MAP3K15: variants seen among roughly 807,000 people sequenced by gnomAD.
MAP3K15 encodes mitogen-activated protein kinase kinase kinase 15, also known as MAPK/ERK kinase kinase 15.
In MAP3K15, 124 loss-of-function variants were observed where a neutral mutation model predicts 99.5. The ratio of observed to expected loss-of-function variants is 1.25; its 90% confidence interval spans 1.08 to 1.45. The LOEUF (loss-of-function observed/expected upper bound fraction) is 1.45. Ranked by LOEUF, MAP3K15 falls within the 40% of genes most tolerant of loss-of-function variation. The probability of loss-of-function intolerance (pLI) is 0.00; values close to 1 mark genes in which losing one functional copy is unlikely to be tolerated. For synonymous variants in MAP3K15, 494 were observed against 439.6 expected, an observed-to-expected ratio of 1.12 and a Z score of -1.55; for missense variants, 1,242 against 1,079.7, an observed-to-expected ratio of 1.15 and a Z score of -2.11.
chrX:19,451,988 G>A (rs1894683747), intron 6 of MAP3K15, among the ~76,000 whole-genome samples: 1 of 105,547 alleles, frequency 9.5e-6, no homozygotes, highest in South Asian at 4.1e-4. Flanking sequence ...GAACCTGGGA[G>A]GTGGAGGTTG....
intron 4 of MAP3K15, among the ~76,000 whole-genome samples, chrX:19,462,272 G>A (rs1367016468): frequency 8.9e-6 from 1 of 112,070 alleles, no homozygotes; most frequent in African/African-American, 3.2e-5. Context: ...AAAGAATGAA[G>A]TGACGCACAC....
At chrX:19,393,181 C>T (rs1413382133) in intron 16 of MAP3K15, among the ~76,000 whole-genome samples, 1 of 111,804 alleles carries the variant, frequency 8.9e-6, no homozygotes, top group African/African-American at 3.2e-5. Context: ...GGAACGGGCC[C>T]TCAGACATCG....
intron 13 of MAP3K15, among the ~76,000 whole-genome samples, chrX:19,406,117 C>T (rs1402230173): frequency 9.0e-6 from 1 of 111,115 alleles, no homozygotes; most frequent in African/African-American, 3.3e-5. Flanking sequence ...TTGGCAAGGA[C>T]GTGGAGAAAT....
In MAP3K15 at chrX:19,360,849, A is replaced by G; in HGVS notation, c.3858-16T>C. ...GAGACCACCCCTGGGAAACAAACACAGCTGTCTTCAGAGTCAGTGCTTCAA... is the reference window on the plus strand; with the variant it reads ...GAGACCACCCCTGGGAAACAAACACGGCTGTCTTCAGAGTCAGTGCTTCAA... On this transcript the variant is annotated splice_polypyrimidine_tract_variant and intron_variant, in intron 28 of 28. Transcript: ENST00000338883. The G allele has an allele frequency of 2.6e-6, 3 of 1,153,237 alleles. No homozygotes were observed. Among genetic ancestry groups the G allele is most frequent in the Non-Finnish European group, 2.4e-6 (2 of 850,855 alleles).
intron 25 of MAP3K15, among the ~76,000 whole-genome samples, chrX:19,367,723 A>ACTTTTTTTTTTTTT (rs2063344451): frequency 8.3e-5 from 2 of 24,107 alleles, no homozygotes; most frequent in African/African-American, 2.6e-4. Flanking sequence ...ATAACTATGG[A>ACTTTTTTTTTTTTT]TTTTTTTTTT....
intron 1 of MAP3K15, among the ~76,000 whole-genome samples, chrX:19,490,194 A>G: frequency 9.4e-6 from 1 of 106,150 alleles, no homozygotes; most frequent in African/African-American, 3.5e-5. Context: ...CATACATACA[A>G]AAATTCCTTA....
chrX:19,373,496 C>G (rs2063393157), intron 21 of MAP3K15, 40 bp downstream of exon 21: 5 of 1,160,770 alleles, frequency 4.3e-6, no homozygotes, highest in Middle Eastern at 4.9e-4. Flanking sequence ...CTACCAGCAC[C>G]CTTTCGGGCC....
At chrX:19,457,484 C>T (rs1046330233) in intron 5 of MAP3K15, among the ~76,000 whole-genome samples, 2 of 111,017 alleles carry the variant, frequency 1.8e-5, no homozygotes, top group African/African-American at 6.5e-5. Flanking sequence ...TGGTGGCGGG[C>T]GCCTGGAATC....
intron 6 of MAP3K15, among the ~76,000 whole-genome samples, chrX:19,434,829 G>A (rs1288119677): frequency 8.9e-6 from 1 of 111,890 alleles, no homozygotes; most frequent in African/African-American, 3.2e-5. Flanking sequence ...CCCAACCTGG[G>A]TTGGAAAGGG....
At chrX:19,400,840 C>T (rs757706775) in intron 13 of MAP3K15, among the ~76,000 whole-genome samples, 177 bp from the exon 14 acceptor site, 9 of 111,816 alleles carry the variant, frequency 8.0e-5, no homozygotes, top group Non-Finnish European at 1.5e-4. Context: ...TCTAGGGCAA[C>T]TACCAATGTG....
chrX:19,512,163 A>G (rs1477760642), intron 1 of MAP3K15, among the ~76,000 whole-genome samples: 1 of 110,865 alleles, frequency 9.0e-6, no homozygotes, highest in East Asian at 2.8e-4. Context: ...CACACACCCC[A>G]GGGCCTGTGG....
At chrX:19,370,246 C>T (rs1201701147) in intron 24 of MAP3K15, among the ~76,000 whole-genome samples, 1 of 112,260 alleles carries the variant, frequency 8.9e-6, no homozygotes, top group Non-Finnish European at 1.9e-5. Context: ...TCTGTAACTA[C>T]TACATGATGA....
rs1315963874 is a variant in MAP3K15 at position 19,413,403 on chromosome X, G to T, written c.1652C>A (p.Ala551Asp). 8.3e-7 allele frequency: 1 copy of T among 1,207,555 alleles called. No homozygotes were observed. The highest frequency in any genetic ancestry group is 2.2e-5 in the Admixed American group (1 of 45,708). ...CCATAAAGAAACTGTTCTCTCCTCG[G>T]CTTCATTGTTTATGGAAACATAAGA... ...QPSYVSINNE[A>D]EERTVSLWHV... The change falls in exon 11 of 29, where the codon GCC becomes GAC. Residue 551 changes from alanine to aspartate, a missense_variant. By Grantham distance (126) the Ala-to-Asp change is moderately radical. Coordinates refer to ENST00000338883, the MANE Select transcript of MAP3K15 (RefSeq NM_001001671.4).
At chrX:19,444,343 C>G (rs187808856) in intron 6 of MAP3K15, among the ~76,000 whole-genome samples, 29 of 111,387 alleles carry the variant, frequency 2.6e-4, no homozygotes, top group African/African-American at 9.5e-4. Flanking sequence ...GAGCCAAGAT[C>G]GCCATCTGTT....
chrX:19,471,154 G>A (rs974380622), intron 3 of MAP3K15, among the ~76,000 whole-genome samples: 3 of 111,567 alleles, frequency 2.7e-5, no homozygotes, highest in Non-Finnish European at 5.6e-5. Flanking sequence ...AAGGAACATG[G>A]GACAGCATTA....
chrX:19,380,397 A>G, intron 18 of MAP3K15, 120 bp from the exon 19 acceptor site: 1 of 688,967 alleles, frequency 1.5e-6, no homozygotes, highest in Non-Finnish European at 2.1e-6. Context: ...GGTGTTGGAG[A>G]CCAGCCTGGA....
chrX:19,378,478 A>C (rs968124369), intron 19 of MAP3K15, among the ~76,000 whole-genome samples: 1 of 112,107 alleles, frequency 8.9e-6, no homozygotes, highest in African/African-American at 3.2e-5. Context: ...GGGCGGCAGG[A>C]GAGAGAATGA....
At chrX:19,431,937 C>A (rs956540834) in intron 6 of MAP3K15, among the ~76,000 whole-genome samples, 2 of 100,376 alleles carry the variant, frequency 2.0e-5, no homozygotes, top group African/African-American at 8.1e-5. Flanking sequence ...GAGTGAGACC[C>A]TGCTTTTTTT....
chrX:19,501,678 G>A (rs190994480), intron 1 of MAP3K15, among the ~76,000 whole-genome samples: 2 of 112,254 alleles, frequency 1.8e-5, no homozygotes, highest in East Asian at 2.8e-4. Flanking sequence ...GTAGATATTC[G>A]TAGCAATCAC....
Sources: allele counts gnomAD v4.1 joint callset (sites outside exome capture counted in the v4.1 genomes callset), GRCh38; gene constraint gnomAD v4.1.1; transcripts MANE v1.5; gene names NCBI Gene and HGNC (gene_info 2026-07-23, HGNC 2026-07-21).